Variants in DACH2 observed in about 807,000 individuals in gnomAD.
DACH2 encodes the protein dachshund family transcription factor 2.
In DACH2, 17 loss-of-function variants were observed where a neutral mutation model predicts 35.8. The observed-to-expected ratio is 0.48, with a 90% CI of 0.33 to 0.71. The LOEUF is 0.71. DACH2 is among the 30% of genes least tolerant of loss of function. DACH2 has a pLI of 0.02. For missense variants in DACH2, 469 were observed against 472.7 expected (o/e 0.99, Z 0.07); for synonymous variants, 195 against 177.3 (o/e 1.10, Z -0.79).
chrX:86,210,008 T>TATTATGATGG (rs778940817), intron 1 of DACH2, among the ~76,000 whole-genome samples: 1 of 111,716 alleles, frequency 9.0e-6, no homozygotes, highest in African/African-American at 3.2e-5. Flanking sequence ...TTCTTTCAAA[T>TATTATGATGG]ATTATGATGG....
chrX:86,643,813 CA>C (rs2040379813), intron 3 of DACH2, among the ~76,000 whole-genome samples: 1 of 111,464 alleles, frequency 9.0e-6, no homozygotes, highest in Non-Finnish European at 1.9e-5. Flanking sequence ...GTTCAACATA[CA>C]AAAATCAATA....
At chrX:86,306,448 C>T (rs1026445785) in intron 1 of DACH2, among the ~76,000 whole-genome samples, 19 of 111,829 alleles carry the variant, frequency 1.7e-4, no homozygotes, top group Non-Finnish European at 3.6e-4. Flanking sequence ...TTGAGGGATA[C>T]AGAGTATTAA....
At chrX:86,716,639 A>G (rs2041339956) in intron 6 of DACH2, among the ~76,000 whole-genome samples, 1 of 112,124 alleles carries the variant, frequency 8.9e-6, no homozygotes, top group Non-Finnish European at 1.9e-5. Flanking sequence ...TCTTAAAAGT[A>G]CATTGGTTTG....
At chrX:86,293,472 T>C (rs1341806470) in intron 1 of DACH2, among the ~76,000 whole-genome samples, 1 of 108,649 alleles carries the variant, frequency 9.2e-6, no homozygotes, top group Admixed American at 9.9e-5. Context: ...CATTATGATG[T>C]TAGCTGGTTA....
At chrX:86,333,461 G>A in intron 1 of DACH2, among the ~76,000 whole-genome samples, 1 of 111,513 alleles carries the variant, frequency 9.0e-6, no homozygotes, top group Non-Finnish European at 1.9e-5. Context: ...CTTAACAGTA[G>A]CAAGTGTGGT....
At chrX:86,291,559 G>T (rs2034295264) in intron 1 of DACH2, among the ~76,000 whole-genome samples, 1 of 108,157 alleles carries the variant, frequency 9.2e-6, no homozygotes, top group Non-Finnish European at 1.9e-5. Context: ...TTGTCTGTGG[G>T]TTTGTCATAG....
intron 3 of DACH2, among the ~76,000 whole-genome samples, chrX:86,581,564 C>CA (rs2039501212): frequency 3.7e-5 from 4 of 109,373 alleles, no homozygotes; most frequent in Non-Finnish European, 3.8e-5. Flanking sequence ...CAAAACAAAA[C>CA]AAAAAAACAG....
At chrX:86,228,539 A>C (rs1165794634) in intron 1 of DACH2, among the ~76,000 whole-genome samples, 2 of 110,447 alleles carry the variant, frequency 1.8e-5, no homozygotes, top group Non-Finnish European at 3.8e-5. Context: ...AAATCTCCAC[A>C]CTGTTTTCCA....
At chrX:86,570,425 A>T (rs752798481) in intron 3 of DACH2, among the ~76,000 whole-genome samples, 89 of 111,651 alleles carry the variant, frequency 8.0e-4, no homozygotes, top group African/African-American at 2.8e-3. Context: ...GAATGAGATT[A>T]TGTCCTTTGC....
chrX:86,421,754 A>G (rs1387828222), intron 2 of DACH2, among the ~76,000 whole-genome samples: 1 of 111,375 alleles, frequency 9.0e-6, no homozygotes, highest in African/African-American at 3.3e-5. Flanking sequence ...AAAAATGATT[A>G]TATTGTTGGA....
intron 1 of DACH2, among the ~76,000 whole-genome samples, chrX:86,258,295 G>C (rs1028063115): frequency 9.0e-6 from 1 of 111,673 alleles, no homozygotes; most frequent in African/African-American, 3.3e-5. Flanking sequence ...AAACTTCCCA[G>C]ATGTGAGGAA....
chrX:86,287,147 C>G (rs2034169003), intron 1 of DACH2, among the ~76,000 whole-genome samples: 1 of 100,981 alleles, frequency 9.9e-6, no homozygotes. Context: ...ATATTTTTGC[C>G]AGATATGCTA....
At chrX:86,520,291 T>C (rs2038533587) in intron 3 of DACH2, among the ~76,000 whole-genome samples, 1 of 111,917 alleles carries the variant, frequency 8.9e-6, no homozygotes, top group Admixed American at 9.6e-5. Context: ...ATTTTGGTTC[T>C]TTAAAAATTT....
At chrX:86,402,582 G>A (rs2036453621) in intron 2 of DACH2, among the ~76,000 whole-genome samples, 1 of 111,680 alleles carries the variant, frequency 9.0e-6, no homozygotes, top group South Asian at 3.7e-4. Context: ...AAGTATCAGT[G>A]TCATTAAAAG....
intron 3 of DACH2, among the ~76,000 whole-genome samples, chrX:86,562,131 T>C (rs1196832700): frequency 9.0e-6 from 1 of 110,563 alleles, no homozygotes; most frequent in African/African-American, 3.3e-5. Context: ...CAAGATGATA[T>C]TTTCTCATTT....
At chrX:86,740,638 T>C (rs1232768880) in intron 7 of DACH2, among the ~76,000 whole-genome samples, 3 of 107,745 alleles carry the variant, frequency 2.8e-5, no homozygotes, top group African/African-American at 6.8e-5. Flanking sequence ...ATTCCAGAAA[T>C]TGGTTGTGAT....
chrX:86,455,418 G>A (rs894452173), intron 2 of DACH2, among the ~76,000 whole-genome samples: 1 of 111,525 alleles, frequency 9.0e-6, no homozygotes, highest in Admixed American at 9.5e-5. Flanking sequence ...GATGGTGACC[G>A]TCCCTCCCCC....
chrX:86,360,727 G>A (rs191919153), intron 1 of DACH2, among the ~76,000 whole-genome samples: 29 of 110,303 alleles, frequency 2.6e-4, no homozygotes, highest in Admixed American at 5.8e-4. Flanking sequence ...AAAAATTTTC[G>A]TAAAACAAAA....
At chrX:86,184,726 C>A (rs1481390727) in intron 1 of DACH2, among the ~76,000 whole-genome samples, 1 of 110,714 alleles carries the variant, frequency 9.0e-6, no homozygotes, top group Non-Finnish European at 1.9e-5. Flanking sequence ...TGAGATAGTC[C>A]CCAGATCTCT....
Sources: gnomAD v4.1 joint callset for allele counts (sites outside exome capture counted in the v4.1 genomes callset) on GRCh38, gnomAD v4.1.1 for gene constraint, MANE v1.5 for transcripts, NCBI Gene and HGNC (gene_info 2026-07-23, HGNC 2026-07-21) for gene names.